The following ACO1 variants were observed in gnomAD, a reference collection of about 807,000 sequenced individuals.
ACO1 encodes cytoplasmic aconitate hydratase.
ACO1 carries 78 observed loss-of-function variants against 105.1 expected under a neutral mutation model. The ratio of observed to expected loss-of-function variants is 0.74; its 90% CI spans 0.62 to 0.90. The LOEUF is 0.90. Among genes scored for constraint, ACO1 ranks in the 40% least tolerant of loss-of-function variants. The pLI is 0.00. For synonymous variants in ACO1, 364 were observed against 397.4 expected, an observed-to-expected ratio of 0.92 and a Z score of 1.00; for missense variants, 965 against 1,111.1, an observed-to-expected ratio of 0.87 and a Z score of 1.87.
At position 32,452,306 on chromosome 9, in the gene ACO1, G is replaced by C. The variant is rs1212824323; in HGVS notation, c.*2195G>C. Reference sequence around the variant, plus strand: ...CAGGTGGTGAAACCTTAACCCCCCAGGTAATGGTAATAGAAGCTGGGGCCT... The same window carrying C: ...CAGGTGGTGAAACCTTAACCCCCCACGTAATGGTAATAGAAGCTGGGGCCT... On this transcript the variant is annotated 3_prime_UTR_variant, in exon 21 of 21. Transcript: ENST00000309951. 6.6e-6 allele frequency: 1 copy of C among 152,266 alleles called. No homozygotes were observed. Among genetic ancestry groups the C allele is most frequent in the Non-Finnish European group, 1.5e-5 (1 of 68,102 alleles). The allele number at this position is 152,266 out of a possible 1,614,324, so 9.4% of individuals were successfully genotyped here.
intron 17 of ACO1, 59 bp from the exon 18 acceptor site, chr9:32,436,191 G>C (rs768927494): frequency 1.9e-6 from 3 of 1,607,542 alleles, no homozygotes; most frequent in South Asian, 2.2e-5. Flanking sequence ...CTTGGTGTAA[G>C]CTAAGGTTAA....
intron 1 of ACO1, among the ~76,000 whole-genome samples, chr9:32,395,542 C>T (rs1216958469): frequency 6.6e-6 from 1 of 152,122 alleles, no homozygotes; most frequent in Non-Finnish European, 1.5e-5. Flanking sequence ...CTGCAGGTGT[C>T]ATGTACTACA....
chr9:32,418,010 A>G, intron 4 of ACO1, 118 bp from the exon 5 acceptor site: 4 of 818,768 alleles, frequency 4.9e-6, no homozygotes, highest in Non-Finnish European at 7.8e-6. Context: ...AATGAAATTC[A>G]TATTATCACT....
At chr9:32,399,426 C>T (rs555191641) in intron 1 of ACO1, among the ~76,000 whole-genome samples, 1 of 152,316 alleles carries the variant, frequency 6.6e-6, no homozygotes, top group South Asian at 2.1e-4. Flanking sequence ...AATATGAATT[C>T]TATTGCCTGG....
In ACO1 at chr9:32,450,027, C is replaced by T; in HGVS notation, c.2586C>T (p.Val862=). ...KLDTGKTFQA[V]MRFDTDVELT... ...ATACTGGCAAGACCTTCCAGGCTGT[C>T]ATGAGGTTTGACACTGATGTGGAGC... Residue 862 remains valine (V), a synonymous_variant, in exon 21 of 21, where the codon GTC becomes GTT. Transcript: ENST00000309951. The T allele has an allele frequency of 1.2e-6, 2 of 1,614,106 alleles. No homozygotes were observed. Among genetic ancestry groups the T allele is most frequent in the Non-Finnish European group, 1.7e-6 (2 of 1,180,008 alleles).
chr9:32,390,572 TACTC>T (rs1434509306), intron 1 of ACO1, among the ~76,000 whole-genome samples: 1 of 152,240 alleles, frequency 6.6e-6, no homozygotes, highest in Non-Finnish European at 1.5e-5. Context: ...ACAAAGAAGA[TACTC>T]AAGAAATACA....
rs79179910 is a variant in ACO1 at position 32,429,605 on chromosome 9, T to C, written c.1569+102T>C. 3,278 of 1,033,336 alleles carry C rather than the reference T, an allele frequency of 3.2e-3. 47 individuals are homozygous for C. The African/African-American group carries it at 0.039, about 12-fold the overall frequency. 64.0% of individuals were successfully genotyped at this position (1,033,336 alleles called of 1,614,324 possible). A position where few individuals can be genotyped will look rare whatever the true frequency, so the allele number is the denominator to read the frequency against. On this transcript the variant is annotated intron_variant, in intron 13 of 20. Coordinates refer to ENST00000309951, the MANE Select transcript of ACO1 (RefSeq NM_002197.3). ...CAAGAAGGTCCATGGAAGCAGGGGA[T>C]GTGGTTTAGAGTATGATCTTTTGAG...
chr9:32,416,053 C>T (rs1011439749), intron 4 of ACO1, among the ~76,000 whole-genome samples: 9 of 150,694 alleles, frequency 6.0e-5, no homozygotes, highest in Non-Finnish European at 1.3e-4. Flanking sequence ...GGAGAATATT[C>T]ATATCAAGAG....
chr9:32,400,597 A>C (rs1403751288), intron 1 of ACO1, among the ~76,000 whole-genome samples: 2 of 152,228 alleles, frequency 1.3e-5, no homozygotes, highest in Non-Finnish European at 2.9e-5. Flanking sequence ...TATTAAAGAA[A>C]GATCTGCATT....
chr9:32,444,447 T>C (rs1209952459), intron 19 of ACO1, among the ~76,000 whole-genome samples: 1 of 152,208 alleles, frequency 6.6e-6, no homozygotes, highest in Non-Finnish European at 1.5e-5. Flanking sequence ...ACCAACAGTG[T>C]AAAAGCATTC....
chr9:32,399,122 A>G (rs1821433723), intron 1 of ACO1, among the ~76,000 whole-genome samples: 1 of 152,188 alleles, frequency 6.6e-6, no homozygotes, highest in Non-Finnish European at 1.5e-5. Flanking sequence ...GTAAAGGGAA[A>G]TGTTGTAGAC....
chr9:32,426,718 A>G (rs1259053471), intron 11 of ACO1, among the ~76,000 whole-genome samples: 4 of 152,014 alleles, frequency 2.6e-5, no homozygotes, highest in African/African-American at 9.7e-5. Context: ...TTGTCCCCTC[A>G]TGTCCCCACC....
intron 16 of ACO1, among the ~76,000 whole-genome samples, chr9:32,434,175 CTGA>C (rs1361466242): frequency 6.6e-6 from 1 of 152,146 alleles, no homozygotes; most frequent in Non-Finnish European, 1.5e-5. Flanking sequence ...GTCCCTGAAA[CTGA>C]TGATCTAGAA....
intron 19 of ACO1, chr9:32,445,599 GTGTCT>G: frequency 3.2e-6 from 1 of 311,178 alleles, no homozygotes; most frequent in South Asian, 2.4e-5. Context: ...ACAGTTTCTG[GTGTCT>G]CTGTCTCCTT....
chr9:32,400,033 C>T (rs1250730441), intron 1 of ACO1, among the ~76,000 whole-genome samples: 1 of 125,476 alleles, frequency 8.0e-6, no homozygotes, highest in African/African-American at 3.1e-5. Context: ...TGCAATGGCA[C>T]GATCTTGGTT....
Position 32,450,132 on chromosome 9 carries a change from C to T in ACO1, c.*21C>T, listed in dbSNP as rs146266267. 486 of 1,592,498 alleles carry T rather than the reference C, an allele frequency of 3.1e-4. 5 individuals are homozygous for T. The East Asian group carries it at 0.01, about 33-fold the overall frequency. On this transcript the variant is annotated 3_prime_UTR_variant, in exon 21 of 21. Coordinates refer to ENST00000309951, the MANE Select transcript of ACO1 (RefSeq NM_002197.3). ...AGTAGGAGACGTGCACTTGGTGCTGCGCCCAGGGAGGAAGCCGCACCACCA... is the reference window on the plus strand; with the variant it reads ...AGTAGGAGACGTGCACTTGGTGCTGTGCCCAGGGAGGAAGCCGCACCACCA...
At chr9:32,415,031 C>G (rs1009160208) in intron 4 of ACO1, among the ~76,000 whole-genome samples, 1 of 151,850 alleles carries the variant, frequency 6.6e-6, no homozygotes, top group Non-Finnish European at 1.5e-5. Context: ...AGCCTGTTTA[C>G]CAAGGAGAGA....
chr9:32,429,541 G>A (rs757942597), intron 13 of ACO1, 38 bp downstream of exon 13: 1 of 1,562,410 alleles, frequency 6.4e-7, no homozygotes. Flanking sequence ...CAGAGCAGTT[G>A]TTTCTTTTCA....
chr9:32,418,824 A>G (rs1270014000), intron 6 of ACO1, among the ~76,000 whole-genome samples: 1 of 152,240 alleles, frequency 6.6e-6, no homozygotes, highest in Non-Finnish European at 1.5e-5. Flanking sequence ...GGATTTTGAT[A>G]CAGGTGTTTG....
Sources: gnomAD v4.1 joint callset for allele counts (sites outside exome capture counted in the v4.1 genomes callset) on GRCh38, gnomAD v4.1.1 for gene constraint, MANE v1.5 for transcripts, NCBI Gene and HGNC (gene_info 2026-07-23, HGNC 2026-07-21) for gene names.